The following CABCOCO1 variants were observed in gnomAD, a reference collection of about 807,000 sequenced individuals.
The protein encoded by CABCOCO1 is ciliary associated calcium binding coiled-coil 1.
CABCOCO1 carries 28 observed loss-of-function variants against 35.7 expected under a neutral mutation model. That is an observed-to-expected ratio of 0.78 (90% confidence interval 0.58 to 1.07). CABCOCO1 has a LOEUF of 1.07. Ranked by LOEUF, CABCOCO1 falls within the 50% of genes least tolerant of loss-of-function variation. The pLI is 0.00. For missense variants in CABCOCO1, 326 were observed against 309.2 expected (o/e 1.05, Z -0.41); for synonymous variants, 95 against 100.1 (o/e 0.95, Z 0.30).
At chr10:61,668,725 G>GT (rs776439791) in intron 1 of CABCOCO1, among the ~76,000 whole-genome samples, 4 of 151,128 alleles carry the variant, frequency 2.6e-5, no homozygotes, top group African/African-American at 9.7e-5. Flanking sequence ...TTTTTTTATT[G>GT]TTTTTTAAAA....
At chr10:61,716,003 C>G (rs1163960376) in intron 5 of CABCOCO1, among the ~76,000 whole-genome samples, 1 of 151,746 alleles carries the variant, frequency 6.6e-6, no homozygotes, top group Non-Finnish European at 1.5e-5. Context: ...GGTTGCTTTT[C>G]CTGAGGAGTA....
intron 5 of CABCOCO1, among the ~76,000 whole-genome samples, chr10:61,723,521 C>T (rs1349050495): frequency 2.6e-5 from 4 of 152,082 alleles, no homozygotes; most frequent in African/African-American, 9.7e-5. Context: ...TTGCCATAGC[C>T]AAGCACCACA....
chr10:61,685,058 G>T (rs1185420963), intron 3 of CABCOCO1: 1 of 152,104 alleles, frequency 6.6e-6, no homozygotes, highest in African/African-American at 2.4e-5. Context: ...TCTTAGTGGT[G>T]GCCAGGTTGT....
intron 5 of CABCOCO1, among the ~76,000 whole-genome samples, chr10:61,716,197 G>A (rs1840862211): frequency 6.6e-6 from 1 of 151,724 alleles, no homozygotes; most frequent in Non-Finnish European, 1.5e-5. Context: ...AACATGACAA[G>A]GACATTCATT....
intron 5 of CABCOCO1, among the ~76,000 whole-genome samples, chr10:61,721,194 G>A (rs901561052): frequency 6.6e-6 from 1 of 151,640 alleles, no homozygotes; most frequent in East Asian, 2.0e-4. Flanking sequence ...AAAGTGCTGG[G>A]ATTACAGGCG....
chr10:61,668,284 A>G (rs1187011206), intron 1 of CABCOCO1, among the ~76,000 whole-genome samples: 1 of 151,818 alleles, frequency 6.6e-6, no homozygotes, highest in Non-Finnish European at 1.5e-5. Flanking sequence ...TTACATCTGC[A>G]TTGATTTGTG....
intron 5 of CABCOCO1, among the ~76,000 whole-genome samples, chr10:61,743,571 G>A (rs1180579708): frequency 6.6e-6 from 1 of 152,160 alleles, no homozygotes; most frequent in Non-Finnish European, 1.5e-5. Context: ...AAGGCTTGTA[G>A]GAGATTAGAT....
At chr10:61,735,217 TCA>T (rs921314863) in intron 5 of CABCOCO1, among the ~76,000 whole-genome samples, 12 of 151,998 alleles carry the variant, frequency 7.9e-5, no homozygotes, top group Admixed American at 1.3e-4. Context: ...ATCACAGGGC[TCA>T]AAGTCAAAAG....
intron 7 of CABCOCO1, among the ~76,000 whole-genome samples, chr10:61,763,007 C>T (rs1444433987): frequency 2.6e-5 from 4 of 152,078 alleles, no homozygotes; most frequent in African/African-American, 9.7e-5. Context: ...GCTCTAAGAA[C>T]TGCCATATCC....
intron 4 of CABCOCO1, among the ~76,000 whole-genome samples, chr10:61,686,729 A>T (rs1001691976): frequency 2.0e-5 from 3 of 152,208 alleles, no homozygotes; most frequent in Non-Finnish European, 2.9e-5. Flanking sequence ...TTGACCAATT[A>T]AACTCATTAA....
chr10:61,678,258 A>G (rs1473042264), intron 2 of CABCOCO1, among the ~76,000 whole-genome samples: 1 of 152,128 alleles, frequency 6.6e-6, no homozygotes, highest in Admixed American at 6.6e-5. Context: ...TTTATCCCAT[A>G]ACAATACCAC....
At chr10:61,725,659 A>C (rs12414261) in intron 5 of CABCOCO1, among the ~76,000 whole-genome samples, 58,708 of 149,768 alleles carry the variant, frequency 0.39, 13,857 homozygotes, top group Middle Eastern at 0.53. Flanking sequence ...ACCTAATGTA[A>C]ATGATGAGTT....
intron 2 of CABCOCO1, among the ~76,000 whole-genome samples, chr10:61,680,669 A>ACAT (rs1157735137): frequency 1.4e-5 from 1 of 73,562 alleles, no homozygotes; most frequent in African/African-American, 4.1e-5. Flanking sequence ...ATACATGTAT[A>ACAT]ACATATATGT....
chr10:61,722,349 C>A (rs148693971), intron 5 of CABCOCO1, among the ~76,000 whole-genome samples: 1 of 151,994 alleles, frequency 6.6e-6, no homozygotes, highest in Non-Finnish European at 1.5e-5. Context: ...AGAAACAATA[C>A]AACAGCTGTT....
At chr10:61,707,880 G>C (rs1330339703) in intron 5 of CABCOCO1, among the ~76,000 whole-genome samples, 12 of 151,926 alleles carry the variant, frequency 7.9e-5, no homozygotes, top group Non-Finnish European at 1.8e-4. Context: ...ACATGAGCTT[G>C]GTTCAAAGGT....
intron 5 of CABCOCO1, among the ~76,000 whole-genome samples, chr10:61,696,481 A>G (rs1435287016): frequency 6.6e-6 from 1 of 152,014 alleles, no homozygotes. Context: ...TTGCAAATTA[A>G]CATATGAAGG....
chr10:61,736,615 G>A (rs763075450), intron 5 of CABCOCO1, among the ~76,000 whole-genome samples: 19 of 152,052 alleles, frequency 1.2e-4, no homozygotes, highest in Non-Finnish European at 1.9e-4. Context: ...GATTGCCTTG[G>A]CTATTTGGGC....
chr10:61,762,717 C>T (rs1349911480), intron 7 of CABCOCO1, among the ~76,000 whole-genome samples: 1 of 152,030 alleles, frequency 6.6e-6, no homozygotes, highest in African/African-American at 2.4e-5. Context: ...GTCCAGAGTT[C>T]CCAGGGTTGA....
At chr10:61,678,856 A>G (rs12781756) in intron 2 of CABCOCO1, among the ~76,000 whole-genome samples, 19,745 of 152,114 alleles carry the variant, frequency 0.13, 1,582 homozygotes, top group East Asian at 0.23. Flanking sequence ...AGGGGGTGAA[A>G]TTAGTATGAT....
Sources: allele counts gnomAD v4.1 joint callset (sites outside exome capture counted in the v4.1 genomes callset), GRCh38; gene constraint gnomAD v4.1.1; transcripts MANE v1.5; gene names NCBI Gene and HGNC (gene_info 2026-07-23, HGNC 2026-07-21).